The following IPO5 variants were observed in gnomAD, a reference collection of about 807,000 sequenced individuals.
IPO5 encodes importin 5.
A neutral mutation model predicts 143.3 loss-of-function variants in IPO5; 18 were observed. The observed-to-expected ratio is 0.13, with a 90% CI of 0.09 to 0.19. IPO5 has a LOEUF of 0.19. Ranked by LOEUF, IPO5 falls within the 10% of genes least tolerant of loss-of-function variation. The pLI, the probability that IPO5 is intolerant of heterozygous loss-of-function variation, is 1.00. For synonymous variants in IPO5, 477 were observed against 465.7 expected (o/e 1.02, Z -0.31); for missense variants, 1,013 against 1,336.9 (o/e 0.76, Z 3.78).
At chr13:97,986,063 G>A (rs987552376) in intron 6 of IPO5, among the ~76,000 whole-genome samples, 2 of 152,018 alleles carry the variant, frequency 1.3e-5, no homozygotes, top group African/African-American at 4.8e-5. Context: ...TACAGTAAGC[G>A]GTGATCACGC....
At chr13:97,985,290 CTAATG>C (rs1294306402) in intron 5 of IPO5, 126 bp from the exon 6 acceptor site, 4 of 684,182 alleles carry the variant, frequency 5.8e-6, no homozygotes, top group African/African-American at 1.8e-5. Context: ...GTATAATAGA[CTAATG>C]TAATTAGAAA....
chr13:98,012,913 T>C (rs1330744580), intron 21 of IPO5, among the ~76,000 whole-genome samples: 1 of 150,988 alleles, frequency 6.6e-6, no homozygotes, highest in Non-Finnish European at 1.5e-5. Flanking sequence ...CACAAAGTTA[T>C]GGGATTACAC....
At chr13:97,995,522 G>A (rs566083900) in intron 11 of IPO5, among the ~76,000 whole-genome samples, 56 of 152,146 alleles carry the variant, frequency 3.7e-4, no homozygotes, top group African/African-American at 1.3e-3. Flanking sequence ...TTGGGAGGCC[G>A]AGGCAGGTGG....
At chr13:97,959,591 G>A (rs1359279677) in intron 2 of IPO5, among the ~76,000 whole-genome samples, 2 of 151,764 alleles carry the variant, frequency 1.3e-5, no homozygotes, top group Non-Finnish European at 1.5e-5. Flanking sequence ...AAAATTAACC[G>A]GGTGTGGTGG....
Position 97,993,155 on chromosome 13 carries a change from A to G in IPO5, c.843A>G (p.Glu281=). The G allele has an allele frequency of 6.2e-7, 1 of 1,614,060 alleles. No individual in the cohort carries two copies. The highest frequency in any genetic ancestry group is 8.5e-7 in the Non-Finnish European group (1 of 1,179,916). ...ATATGCAACGCCAGCTTGCCCTTGA[A>G]GTGATCGTCACCCTCTCTGAGACTG... The part of the protein sequence containing the change: ...LNNMQRQLAL[E]VIVTLSETAA... Residue 281 remains glutamate (E), a synonymous_variant, in exon 11 of 29, where the codon GAA becomes GAG. Coordinates refer to ENST00000651721, the MANE Select transcript of IPO5 (RefSeq NM_002271.6).
intron 24 of IPO5, 74 bp downstream of exon 24, chr13:98,015,855 AT>A (rs1890089770): frequency 1.1e-6 from 1 of 890,582 alleles, no homozygotes; most frequent in East Asian, 2.4e-5. Context: ...TCAATTTCTG[AT>A]TTATGTGACT....
Position 97,958,667 on chromosome 13 carries a change from A to G in IPO5, c.-113+4469A>G, listed in dbSNP as rs372407860. On this transcript the variant is annotated intron_variant, in intron 2 of 28. Coordinates refer to ENST00000651721, the MANE Select transcript of IPO5 (RefSeq NM_002271.6). ...TCCAGCTCATTTCCAAAAGAAAACT[A>G]TCTCAAAAAAAAAAAAGAAAGAAAG... Among the ~76,000 whole-genome samples, 10 of 151,378 alleles carry G rather than the reference A, an allele frequency of 6.6e-5. No homozygotes were observed. The East Asian group carries it at 1.2e-3, about 18-fold the overall frequency.
At chr13:97,977,739 C>G (rs766172209) in intron 4 of IPO5, among the ~76,000 whole-genome samples, 1 of 152,166 alleles carries the variant, frequency 6.6e-6, no homozygotes, top group Non-Finnish European at 1.5e-5. Flanking sequence ...GACCACGATT[C>G]TTGTGGGATA....
In IPO5 at chr13:97,963,738, G is replaced by A. The variant is rs946909607; in HGVS notation, c.-112-5985G>A. ...CCTTTGAATTTTGTTTTTTTCGACT[G>A]CTTTGGTTACTCAGAGTCTCTTGCA... On this transcript the variant is annotated intron_variant, in intron 2 of 28. Coordinates refer to ENST00000651721, the MANE Select transcript of IPO5 (RefSeq NM_002271.6). 3.3e-5 allele frequency among the ~76,000 whole-genome samples: 5 copies of A among 152,002 alleles called. 1 individual carries two copies. The highest frequency in any genetic ancestry group is 1.2e-4 in the African/African-American group (5 of 41,388).
At chr13:98,017,784 G>A (rs977817341) in intron 25 of IPO5, among the ~76,000 whole-genome samples, 2 of 151,922 alleles carry the variant, frequency 1.3e-5, no homozygotes, top group African/African-American at 4.8e-5. Flanking sequence ...TGGCCTATGT[G>A]TATTCAGTTT....
chr13:98,000,003 G>A (rs1405747099), intron 12 of IPO5, among the ~76,000 whole-genome samples: 2 of 152,158 alleles, frequency 1.3e-5, no homozygotes, highest in Non-Finnish European at 2.9e-5. Flanking sequence ...ATAAGATTCA[G>A]GCTGGGCACA....
intron 2 of IPO5, among the ~76,000 whole-genome samples, chr13:97,966,778 C>A (rs1885379550): frequency 6.6e-6 from 1 of 152,174 alleles, no homozygotes; most frequent in African/African-American, 2.4e-5. Flanking sequence ...GTGGCTCACG[C>A]CTGTAGTCAA....
At chr13:97,994,782 G>A (rs988864536) in intron 11 of IPO5, among the ~76,000 whole-genome samples, 1 of 152,156 alleles carries the variant, frequency 6.6e-6, no homozygotes, top group African/African-American at 2.4e-5. Flanking sequence ...GAGTGTAGGA[G>A]AAGATCCGCT....
chr13:98,002,882 C>G lies in IPO5; in HGVS notation c.1342C>G (p.Gln448Glu). Residue 448 changes from glutamine (Q) to glutamate (E), a missense_variant, in exon 16 of 29, where the codon CAG (glutamine) becomes GAG (glutamate). This residue lies in a region of IPO5 where 685 missense variants were observed against 994.9 expected (regional missense o/e 0.69). Transcript: ENST00000651721. ...TTCACAGGTGATTGCAGCTCTGCTG[C>G]AGACCATGGAAGACCAAGGCAATCA... ...FHEKVIAALL[Q>E]TMEDQGNQRV... 1 of 1,612,278 alleles carries G rather than the reference C, an allele frequency of 6.2e-7. No homozygotes were observed. Among genetic ancestry groups the G allele is most frequent in the Non-Finnish European group, 8.5e-7 (1 of 1,179,306 alleles).
chr13:98,004,442 G>T (rs1889049019), intron 16 of IPO5, among the ~76,000 whole-genome samples: 1 of 152,194 alleles, frequency 6.6e-6, no homozygotes, highest in Non-Finnish European at 1.5e-5. Context: ...AAGGCAGATT[G>T]GTTGGTTGGT....
intron 4 of IPO5, chr13:97,979,934 C>G (rs1481884147): frequency 2.2e-6 from 1 of 456,552 alleles, no homozygotes; most frequent in Non-Finnish European, 4.4e-6. Context: ...TTTACTTTTC[C>G]TCATACAAGG....
intron 4 of IPO5, among the ~76,000 whole-genome samples, chr13:97,978,221 A>G (rs1239999980): frequency 6.6e-6 from 1 of 152,198 alleles, no homozygotes; most frequent in African/African-American, 2.4e-5. Context: ...TTCGCTGAAA[A>G]TTTAACATAC....
At chr13:98,013,506 A>T (rs1889880020) in intron 21 of IPO5, among the ~76,000 whole-genome samples, 1 of 152,194 alleles carries the variant, frequency 6.6e-6, no homozygotes, top group African/African-American at 2.4e-5. Context: ...TTTACAGAAG[A>T]CAGCTTTTAC....
At chr13:97,981,450 T>G in intron 4 of IPO5, 1 of 301,742 alleles carries the variant, frequency 3.3e-6, no homozygotes, top group South Asian at 2.8e-5. Flanking sequence ...TAATATCTCA[T>G]GGATGCCATG....
Sources: allele counts gnomAD v4.1 joint callset (sites outside exome capture counted in the v4.1 genomes callset), GRCh38; gene constraint gnomAD v4.1.1; regional missense constraint gnomAD v4.1.1; transcripts MANE v1.5; gene names NCBI Gene and HGNC (gene_info 2026-07-23, HGNC 2026-07-21).